ZNF106: variants seen among roughly 807,000 people sequenced by gnomAD.
The protein encoded by ZNF106 is zinc finger protein 106, also known as SH3-domain binding protein 3.
In ZNF106, 67 loss-of-function variants were observed where a neutral mutation model predicts 195.1. The observed-to-expected ratio is 0.34, with a 90% CI of 0.28 to 0.42. The LOEUF is 0.42. Among genes scored for constraint, ZNF106 ranks in the 10% least tolerant of loss-of-function variants. The pLI, the probability that ZNF106 is intolerant of heterozygous loss-of-function variation, is 1.00. For synonymous variants in ZNF106, 784 were observed against 818.6 expected, an observed-to-expected ratio of 0.96 and a Z score of 0.72; for missense variants, 2,118 against 2,304.5, an observed-to-expected ratio of 0.92 and a Z score of 1.66.
chr15:42,452,681 C>CTTTT (rs1322441388), intron 4 of ZNF106, among the ~76,000 whole-genome samples: 23 of 101,892 alleles, frequency 2.3e-4, no homozygotes, highest in African/African-American at 4.1e-4. Context: ...CTATAGTTAT[C>CTTTT]TTTTTTTTTT....
At chr15:42,488,661 C>T (rs186196215) in intron 1 of ZNF106, among the ~76,000 whole-genome samples, 2 of 152,326 alleles carry the variant, frequency 1.3e-5, no homozygotes, top group African/African-American at 2.4e-5. Flanking sequence ...AGAACCAAGT[C>T]GTCTAGCATC....
At chr15:42,482,322 T>C (rs932137321) in intron 1 of ZNF106, among the ~76,000 whole-genome samples, 1 of 152,174 alleles carries the variant, frequency 6.6e-6, no homozygotes, top group African/African-American at 2.4e-5. Flanking sequence ...GAGAATAGGT[T>C]ACATTTTCCT....
At chr15:42,478,147 C>G (rs193177252) in intron 1 of ZNF106, among the ~76,000 whole-genome samples, 77 of 151,438 alleles carry the variant, frequency 5.1e-4, no homozygotes, top group Non-Finnish European at 2.5e-4. Flanking sequence ...AATTAACAAA[C>G]CAATATTGAT....
chr15:42,442,105 CA>C lies in ZNF106; in HGVS notation c.3730del (p.Cys1244AlafsTer44), dbSNP rs1457641819. 2.5e-6 allele frequency: 4 copies of C among 1,613,490 alleles called. No homozygotes were observed. Among genetic ancestry groups the C allele is most frequent in the Non-Finnish European group, 2.5e-6 (3 of 1,179,654 alleles). On this transcript the variant is annotated frameshift_variant, in exon 10 of 22. Transcript: ENST00000564754. LOFTEE classifies it high-confidence loss of function. ...TTCCAGTAATTCCTTGGACACATTG[CA>C]GGCAGAGCTTGGTGGCACAGCATTC... is the stretch of plus-strand genomic sequence containing the variant. ...NVNAVPPSSA[C>X]NVSKELLEAN... is the part of the protein sequence containing the mutation.
intron 15 of ZNF106, chr15:42,427,774 A>ATCT: frequency 3.0e-6 from 1 of 335,632 alleles, no homozygotes; most frequent in South Asian, 4.2e-5. Context: ...TTGGCCCCAA[A>ATCT]TCTTCAGACT....
rs754548000 is a variant in ZNF106, at chr15:42,451,817, T to A, written c.455A>T (p.Gln152Leu). 6.2e-7 allele frequency: 1 copy of A among 1,614,246 alleles called. No homozygotes were observed. The highest frequency in any genetic ancestry group is 1.1e-5 in the South Asian group (1 of 91,086). The change falls in exon 5 of 22, where the codon CAG becomes CTG. Residue 152 changes from glutamine to leucine, a missense_variant. Physicochemically the swap from Gln to Leu is moderately radical, Grantham distance 113. Transcript: ENST00000564754. ...ATCTTTTTCCCATTTCCAATCCCGC[T>A]GTGGAGGTCCACGATGATGCCATGC... ...QPAWHHRGPP[Q>L]RDWKWEKDGF...
At position 42,413,442 on chromosome 15, in the gene ZNF106, G is replaced by C. The variant is rs889685424; in HGVS notation, c.*3862C>G. On this transcript the variant is annotated 3_prime_UTR_variant, in exon 22 of 22. Transcript: ENST00000564754. ...GTTTAGGTAACAGAAACAAAATTTA[G>C]ATGTAAGCATAAACTGCAGTTATTT... 3.3e-5 allele frequency: 5 copies of C among 152,576 alleles called. No individual in the cohort carries two copies. The highest frequency in any genetic ancestry group is 1.9e-4 in the East Asian group (1 of 5,182). The allele number at this position is 152,576 out of a possible 1,614,324, so 9.5% of individuals were successfully genotyped here. A position where few individuals can be genotyped will look rare whatever the true frequency, so the allele number is the denominator to read the frequency against.
At position 42,466,051 on chromosome 15, in the gene ZNF106, A is replaced by T; in HGVS notation, c.116+2T>A. 1 of 1,533,898 alleles carries T rather than the reference A, an allele frequency of 6.5e-7. No individual in the cohort carries two copies. The highest frequency in any genetic ancestry group is 8.7e-7 in the Non-Finnish European group (1 of 1,145,924). On this transcript the variant is annotated splice_donor_variant, in intron 3 of 21. Coordinates refer to ENST00000564754, the MANE Select transcript of ZNF106 (RefSeq NM_001366845.3). LOFTEE classifies it high-confidence loss of function. ...ACTTATGGAAGAGAGCCGTTCCCAT[A>T]CCTGCCCTTGAGGTTCTCAAGTTCC...
At chr15:42,457,687 C>T (rs1369189758) in intron 3 of ZNF106, 6 of 332,550 alleles carry the variant, frequency 1.8e-5, no homozygotes, top group East Asian at 1.6e-4. Context: ...GTGAGGATTC[C>T]GGACCCCAGG....
At chr15:42,486,949 G>C (rs1044664907) in intron 1 of ZNF106, among the ~76,000 whole-genome samples, 4 of 151,774 alleles carry the variant, frequency 2.6e-5, no homozygotes, top group Admixed American at 6.6e-5. Flanking sequence ...AGGCATTTGA[G>C]ACCAGCCTGG....
At chr15:42,423,496 C>G (rs1352278962) in intron 17 of ZNF106, among the ~76,000 whole-genome samples, 1 of 152,096 alleles carries the variant, frequency 6.6e-6, no homozygotes, top group Non-Finnish European at 1.5e-5. Context: ...CCCACCTCAG[C>G]CTCCTGAGTA....
rs1345119057 is a variant in ZNF106, at chr15:42,414,364, C to T, written c.*2940G>A. ...TTATTTCTTAATAGAGGGCTAGAAC[C>T]GTTCATTTGGGGTAACACACTAATC... On this transcript the variant is annotated 3_prime_UTR_variant, in exon 22 of 22. Transcript: ENST00000564754. 3 of 152,162 alleles carry T rather than the reference C, an allele frequency of 2.0e-5. No homozygotes were observed. The highest frequency in any genetic ancestry group is 2.9e-5 in the Non-Finnish European group (2 of 68,036). 9.4% of individuals were successfully genotyped at this position (152,162 alleles called of 1,614,324 possible). A position where few individuals can be genotyped will look rare whatever the true frequency, so the allele number is the denominator to read the frequency against.
chr15:42,439,241 G>C lies in ZNF106; in HGVS notation c.4336C>G (p.Leu1446Val), dbSNP rs1274369159. 1 of 1,614,174 alleles carries C rather than the reference G, an allele frequency of 6.2e-7. No homozygotes were observed. Among genetic ancestry groups the C allele is most frequent in the Non-Finnish European group, 8.5e-7 (1 of 1,180,032 alleles). ...GGATTAGGAATTTCTAGGACTTCCA[G>C]AGACGAGTCACTATCTGGCTCATCT... ...VRDEPDSDSS[L>V]EVLEIPNPQL... The change falls in exon 11 of 22, where the codon CTG becomes GTG. Residue 1446 changes from leucine (L) to valine (V), a missense_variant. Coordinates refer to ENST00000564754, the MANE Select transcript of ZNF106 (RefSeq NM_001366845.3).
rs773941390 is a variant in ZNF106 at position 42,458,409 on chromosome 15, G to GA, written c.117-1252dup. The stretch of plus-strand genomic sequence containing the variant: ...CAGATCACCTGAATATTCATTCAAG[G>GA]AAAAAAAAAAAAAAAAGGCCGGGCT... On this transcript the variant is annotated intron_variant, in intron 3 of 21. Transcript: ENST00000564754. Among the ~76,000 whole-genome samples the GA allele has an allele frequency of 4.4e-3, 490 of 110,230 alleles. 2 individuals carry two copies. The highest frequency in any genetic ancestry group is 0.015 in the South Asian group (47 of 3,166). 72.3% of individuals were successfully genotyped at this position (110,230 alleles called of 152,430 possible).
chr15:42,480,392 T>C (rs138073553), intron 1 of ZNF106, among the ~76,000 whole-genome samples: 66 of 152,338 alleles, frequency 4.3e-4, no homozygotes, highest in African/African-American at 1.4e-3. Flanking sequence ...TGCTACTTTG[T>C]ATGATCTTTT....
chr15:42,416,493 A>G lies in ZNF106; in HGVS notation c.*811T>C, dbSNP rs2054465499. ...ACACTAGAAAGGAAGATAAAGGTAC[A>G]CCTCCAGTTCAACAGCCTGACAGGA... is the stretch of plus-strand genomic sequence containing the variant. On this transcript the variant is annotated 3_prime_UTR_variant, in exon 22 of 22. Coordinates refer to ENST00000564754, the MANE Select transcript of ZNF106 (RefSeq NM_001366845.3). 2 of 152,222 alleles carry G rather than the reference A, an allele frequency of 1.3e-5. No homozygotes were observed. Among genetic ancestry groups the G allele is most frequent in the Non-Finnish European group, 2.9e-5 (2 of 68,142 alleles). The allele number at this position is 152,222 out of a possible 1,614,324, so 9.4% of individuals were successfully genotyped here.
intron 10 of ZNF106, among the ~76,000 whole-genome samples, chr15:42,440,546 G>A (rs1473721409): frequency 6.6e-6 from 1 of 151,882 alleles, no homozygotes; most frequent in Admixed American, 6.6e-5. Context: ...CTTTGTACAA[G>A]TTCTACATGT....
chr15:42,486,175 G>A (rs766777651), intron 1 of ZNF106, among the ~76,000 whole-genome samples: 1 of 151,848 alleles, frequency 6.6e-6, no homozygotes, highest in Non-Finnish European at 1.5e-5. Flanking sequence ...TGACCAGGAT[G>A]GCTAGATCCC....
chr15:42,464,499 A>C (rs1023760603), intron 3 of ZNF106, among the ~76,000 whole-genome samples: 2 of 151,520 alleles, frequency 1.3e-5, no homozygotes, highest in Non-Finnish European at 2.9e-5. Flanking sequence ...AATAGACCAA[A>C]GACATGGAAT....
Sources: allele counts gnomAD v4.1 joint callset (sites outside exome capture counted in the v4.1 genomes callset), GRCh38; gene constraint gnomAD v4.1.1; transcripts MANE v1.5; gene names NCBI Gene and HGNC (gene_info 2026-07-23, HGNC 2026-07-21).